Variants in NTM observed in about 807,000 individuals in gnomAD.
NTM encodes the protein IgLON family member 2.
A neutral mutation model predicts 42.1 loss-of-function variants in NTM; 13 were observed. The observed-to-expected ratio is 0.31, with a 90% CI of 0.20 to 0.49. NTM has a LOEUF of 0.49. NTM is among the 20% of genes least tolerant of loss of function. The pLI is 0.99. For missense variants in NTM, 373 were observed against 452.8 expected, an observed-to-expected ratio of 0.82 and a Z score of 1.60; for synonymous variants, 187 against 179.2, an observed-to-expected ratio of 1.04 and a Z score of -0.35.
intron 1 of NTM, among the ~76,000 whole-genome samples, chr11:131,691,558 GC>G (rs11434770): frequency 0.15 from 22,139 of 143,118 alleles, 1,961 homozygotes; most frequent in South Asian, 0.24. Context: ...TTCCCTGAAA[GC>G]CCCCCCCCGA....
At chr11:131,446,969 G>A (rs1950106342) in intron 1 of NTM, among the ~76,000 whole-genome samples, 3 of 152,220 alleles carry the variant, frequency 2.0e-5, no homozygotes, top group African/African-American at 7.2e-5. Flanking sequence ...TAACTGAAAA[G>A]AATGTCAGAA....
At chr11:131,957,045 C>A (rs1246409504) in intron 2 of NTM, among the ~76,000 whole-genome samples, 1 of 152,146 alleles carries the variant, frequency 6.6e-6, no homozygotes, top group Non-Finnish European at 1.5e-5. Context: ...GGGGGAATAT[C>A]ATCTCTAATA....
chr11:131,596,074 T>C (rs992628784), intron 1 of NTM, among the ~76,000 whole-genome samples: 1 of 152,174 alleles, frequency 6.6e-6, no homozygotes, highest in Non-Finnish European at 1.5e-5. Flanking sequence ...GTTTTTCTTG[T>C]TTGTAACATG....
In NTM at chr11:132,319,324, G is replaced by A. The variant is rs114218222; in HGVS notation, c.934+4621G>A. Among the ~76,000 whole-genome samples, 837 of 152,298 alleles carry A rather than the reference G, an allele frequency of 5.5e-3. 8 individuals are homozygous for A. Among genetic ancestry groups the A allele is most frequent in the African/African-American group, 0.019 (780 of 41,566 alleles). On this transcript the variant is annotated intron_variant, in intron 7 of 8. Transcript: ENST00000683400. ...GCGAGCCGAAGCATGGCAAGGCATCGCCTTACCTGGGAAGCACAAGGGGTC... is the reference window on the plus strand; with the variant it reads ...GCGAGCCGAAGCATGGCAAGGCATCACCTTACCTGGGAAGCACAAGGGGTC...
At chr11:131,974,735 T>C (rs2064061023) in intron 2 of NTM, among the ~76,000 whole-genome samples, 1 of 152,182 alleles carries the variant, frequency 6.6e-6, no homozygotes, top group East Asian at 1.9e-4. Context: ...TTTTTTTTTC[T>C]CATAGAGTTA....
chr11:131,605,863 C>T (rs2060906628), intron 1 of NTM: 1 of 983,778 alleles, frequency 1.0e-6, no homozygotes, highest in African/African-American at 1.7e-5. Context: ...ACTATCTCAC[C>T]TGAGGCAGCT....
At chr11:132,044,922 C>T (rs866010175) in intron 2 of NTM, among the ~76,000 whole-genome samples, 2 of 152,070 alleles carry the variant, frequency 1.3e-5, no homozygotes, top group South Asian at 2.1e-4. Flanking sequence ...TAGCACCAGA[C>T]AGATTCACAG....
intron 1 of NTM, among the ~76,000 whole-genome samples, chr11:131,896,715 G>GTCT (rs1464066221): frequency 7.2e-6 from 1 of 138,114 alleles, no homozygotes; most frequent in Non-Finnish European, 1.5e-5. Flanking sequence ...CTGAGACGGA[G>GTCT]TCTGGCTCTG....
chr11:131,755,275 T>C (rs955151305), intron 1 of NTM, among the ~76,000 whole-genome samples: 5 of 152,202 alleles, frequency 3.3e-5, no homozygotes, highest in Non-Finnish European at 5.9e-5. Flanking sequence ...TGAATATTTA[T>C]ATATGAAAGG....
intron 4 of NTM, among the ~76,000 whole-genome samples, chr11:132,235,449 A>T (rs1048034093): frequency 4.6e-5 from 7 of 152,230 alleles, no homozygotes; most frequent in African/African-American, 1.2e-4. Context: ...AAAGGTGGTC[A>T]CATTTCAGAA....
chr11:131,974,953 C>T (rs987604868), intron 2 of NTM, among the ~76,000 whole-genome samples: 2 of 152,142 alleles, frequency 1.3e-5, no homozygotes, highest in African/African-American at 4.8e-5. Context: ...TCGTGTCCTT[C>T]TGCGAGCCTC....
chr11:131,959,033 C>T (rs904711224), intron 2 of NTM, among the ~76,000 whole-genome samples: 13 of 152,140 alleles, frequency 8.5e-5, no homozygotes, highest in Non-Finnish European at 1.0e-4. Flanking sequence ...CTTTGTTACT[C>T]GTGGCACAGC....
intron 1 of NTM, chr11:131,796,024 C>T (rs1355594070): frequency 1.0e-6 from 1 of 985,228 alleles, no homozygotes; most frequent in East Asian, 1.1e-4. Flanking sequence ...AATCAGCTGC[C>T]AGCCAGCATG....
chr11:132,122,294 C>T (rs2064971581), intron 2 of NTM, among the ~76,000 whole-genome samples: 1 of 152,186 alleles, frequency 6.6e-6, no homozygotes, highest in African/African-American at 2.4e-5. Flanking sequence ...GGTGTGCCCC[C>T]TGGATAGGAC....
At chr11:131,412,671 C>T (rs368666724) in intron 1 of NTM, among the ~76,000 whole-genome samples, 10 of 152,200 alleles carry the variant, frequency 6.6e-5, no homozygotes, top group African/African-American at 2.2e-4. Context: ...ACTCGTATCT[C>T]ATCTGCTGTC....
At chr11:131,635,796 C>G (rs985193877) in intron 1 of NTM, among the ~76,000 whole-genome samples, 2 of 152,178 alleles carry the variant, frequency 1.3e-5, no homozygotes, top group African/African-American at 4.8e-5. Context: ...AGAGGAACTT[C>G]CAGTCCTGCA....
At position 131,989,581 on chromosome 11, in the gene NTM, C is replaced by T. The variant is rs1419942789; in HGVS notation, c.167+77933C>T. Reference sequence around the variant, plus strand: ...GACATCAGTTAATCTGGCAGGATATCGAAGTGAAAAGTAGTTAAGGGGTTC... The same window carrying T: ...GACATCAGTTAATCTGGCAGGATATTGAAGTGAAAAGTAGTTAAGGGGTTC... On this transcript the variant is annotated intron_variant, in intron 2 of 8. Transcript: ENST00000683400. Among the ~76,000 whole-genome samples, 8 of 152,142 alleles carry T rather than the reference C, an allele frequency of 5.3e-5. No homozygotes were observed. The East Asian group carries it at 5.8e-4, about 11-fold the overall frequency.
At chr11:131,627,911 G>A (rs1468382756) in intron 1 of NTM, among the ~76,000 whole-genome samples, 3 of 152,102 alleles carry the variant, frequency 2.0e-5, no homozygotes, top group African/African-American at 7.2e-5. Context: ...TCTAGAAAAC[G>A]AATTCAGGTT....
chr11:131,779,651 T>C (rs1472361764), intron 1 of NTM, among the ~76,000 whole-genome samples: 1 of 152,162 alleles, frequency 6.6e-6, no homozygotes, highest in Non-Finnish European at 1.5e-5. Context: ...AGGAAGTCAG[T>C]CAGTCTACCA....
Sources: gnomAD v4.1 joint callset for allele counts (sites outside exome capture counted in the v4.1 genomes callset) on GRCh38, gnomAD v4.1.1 for gene constraint, MANE v1.5 for transcripts, NCBI Gene and HGNC (gene_info 2026-07-23, HGNC 2026-07-21) for gene names.